The following KCNT1 variants were observed in gnomAD, a reference collection of about 807,000 sequenced individuals.
KCNT1 encodes the protein potassium sodium-activated channel subfamily T member 1.
KCNT1 carries 78 observed loss-of-function variants against 147.8 expected under a neutral mutation model. The observed-to-expected ratio is 0.53, with a 90% CI of 0.44 to 0.64. The LOEUF is 0.64. KCNT1 is among the 30% of genes least tolerant of loss of function. The pLI, the probability that KCNT1 is intolerant of heterozygous loss-of-function variation, is 0.00. For synonymous variants in KCNT1, 867 were observed against 748.8 expected, an observed-to-expected ratio of 1.16 and a Z score of -2.58; for missense variants, 1,419 against 1,750.3, an observed-to-expected ratio of 0.81 and a Z score of 3.38.
At chr9:135,775,646 C>T (rs1471232524) in intron 20 of KCNT1, among the ~76,000 whole-genome samples, 1 of 152,238 alleles carries the variant, frequency 6.6e-6, no homozygotes, top group Non-Finnish European at 1.5e-5. Flanking sequence ...GTTAGAGGCA[C>T]CTGTTTTCTG....
At chr9:135,764,656 A>G (rs898455422) in intron 11 of KCNT1, among the ~76,000 whole-genome samples, 5 of 152,130 alleles carry the variant, frequency 3.3e-5, no homozygotes, top group African/African-American at 1.2e-4. Context: ...TAGGCTCCTG[A>G]CAGTGAGGCC....
chr9:135,784,637 G>A lies in KCNT1; in HGVS notation c.3027+19G>A, dbSNP rs778490327. The A allele has an allele frequency of 2.9e-5, 47 of 1,611,392 alleles. No homozygotes were observed. The highest frequency in any genetic ancestry group is 1.7e-4 in the Middle Eastern group (1 of 5,864). Reference sequence around the variant, plus strand: ...CTGTGCCGTAAGTGCCCCTGGCTGCGCTGGGCTGGGGGCGTGCTGGGCTGT... The same window carrying A: ...CTGTGCCGTAAGTGCCCCTGGCTGCACTGGGCTGGGGGCGTGCTGGGCTGT... On this transcript the variant is annotated intron_variant, in intron 26 of 30. Transcript: ENST00000371757.
chr9:135,787,966 C>A, intron 29 of KCNT1: 1 of 704,512 alleles, frequency 1.4e-6, no homozygotes. Flanking sequence ...TTCTGGTGAC[C>A]GACTCGCTTC....
chr9:135,784,468 C>T (rs1174500295), intron 25 of KCNT1, 67 bp from the exon 26 acceptor site: 6 of 1,136,644 alleles, frequency 5.3e-6, no homozygotes, highest in African/African-American at 3.1e-5. Context: ...CCCGTGCCCG[C>T]GTGCCTCACT....
intron 2 of KCNT1, among the ~76,000 whole-genome samples, chr9:135,715,741 G>A (rs988024272): frequency 1.3e-5 from 2 of 152,222 alleles, no homozygotes; most frequent in African/African-American, 4.8e-5. Context: ...GTCAGTCCTA[G>A]GGACTGTATC....
At chr9:135,755,901 C>T (rs1337054699) in intron 6 of KCNT1, among the ~76,000 whole-genome samples, 2 of 144,614 alleles carry the variant, frequency 1.4e-5, no homozygotes, top group Non-Finnish European at 3.0e-5. Context: ...AAGCATGGGA[C>T]CCAGGCTCAG....
At chr9:135,728,800 T>C (rs963607621) in intron 2 of KCNT1, among the ~76,000 whole-genome samples, 1 of 152,216 alleles carries the variant, frequency 6.6e-6, no homozygotes, top group Admixed American at 6.5e-5. Context: ...CTGGTTATGG[T>C]GATTCACAAA....
Position 135,741,915 on chromosome 9 carries a change from G to C in KCNT1, c.255-8183G>C, listed in dbSNP as rs192667398. ...ATAGTCAGTGAAGGCAAAGACCCTC[G>C]GCACTCCCACCCTGCCCAGCCCCCG... On this transcript the variant is annotated intron_variant, in intron 2 of 30. Transcript: ENST00000371757. Among the ~76,000 whole-genome samples, 35 of 152,308 alleles carry C rather than the reference G, an allele frequency of 2.3e-4. No homozygotes were observed. In the East Asian group the frequency reaches 6.7e-3, roughly 29 times the overall value.
At chr9:135,791,578 G>C in intron 29 of KCNT1, 1 of 552,584 alleles carries the variant, frequency 1.8e-6, no homozygotes, top group Non-Finnish European at 3.3e-6. Context: ...CTGGCTCCCA[G>C]CTGCCCTCCT....
chr9:135,765,964 G>A (rs918546363), intron 13 of KCNT1, among the ~76,000 whole-genome samples: 1 of 152,120 alleles, frequency 6.6e-6, no homozygotes, highest in African/African-American at 2.4e-5. Flanking sequence ...CGTCTGGGGT[G>A]GACCATTCAG....
Position 135,765,053 on chromosome 9 carries a change from G to A in KCNT1, c.1058G>A (p.Trp353Ter), listed in dbSNP as rs1325985301. 2 of 1,612,438 alleles carry A rather than the reference G, an allele frequency of 1.2e-6. No individual in the cohort carries two copies. Among genetic ancestry groups the A allele is most frequent in the Non-Finnish European group, 8.5e-7 (1 of 1,179,258 alleles). ...CAGTTCGAGGAGCTCGTCTACCTCT[G>A]GATGGAGCGGCAGAAGTCAGGGGGC... is the stretch of plus-strand genomic sequence containing the variant. ...PLQFEELVYL[W>*]MERQKSGGNY... Residue 353 changes from tryptophan to a stop codon, truncating the protein, a stop_gained, in exon 12 of 31, where the codon TGG becomes TAG. Coordinates refer to ENST00000371757, the MANE Select transcript of KCNT1 (RefSeq NM_020822.3). LOFTEE classifies it high-confidence loss of function.
In KCNT1 at chr9:135,768,138, G is replaced by A. The variant is rs188022727; in HGVS notation, c.1338-472G>A. Reference sequence around the variant, plus strand: ...ACAGGTGTGGCTCCTGTGCCTTCTCGAGTGTCGGAGCTTGGAGTCTCCTAG... The same window carrying A: ...ACAGGTGTGGCTCCTGTGCCTTCTCAAGTGTCGGAGCTTGGAGTCTCCTAG... On this transcript the variant is annotated intron_variant, in intron 13 of 30. Transcript: ENST00000371757. 1.4e-3 allele frequency among the ~76,000 whole-genome samples: 213 copies of A among 149,850 alleles called. 5 individuals are homozygous for A. Among genetic ancestry groups the A allele is most frequent in the Admixed American group, 0.012 (186 of 15,096 alleles).
At position 135,702,201 on chromosome 9, in the gene KCNT1, A is replaced by G. The variant is rs1835059759; in HGVS notation, c.-58A>G. 2 of 1,237,058 alleles carry G rather than the reference A, an allele frequency of 1.6e-6. No individual in the cohort carries two copies. Among genetic ancestry groups the G allele is most frequent in the East Asian group, 4.9e-5 (2 of 40,980 alleles). The allele number at this position is 1,237,058 out of a possible 1,614,324, so 76.6% of individuals were successfully genotyped here. The stretch of plus-strand genomic sequence containing the variant: ...ATGTTTTTCAGGGCAACGCGAGGGA[A>G]GAAGGTGGCGGCTCCCACTCGCTTC... On this transcript the variant is annotated 5_prime_UTR_variant, in exon 1 of 31. Transcript: ENST00000371757.
rs1385700458 is a variant in KCNT1 at position 135,702,300 on chromosome 9, C to T, written c.42C>T (p.Cys14=). The T allele has an allele frequency of 1.2e-6, 2 of 1,609,932 alleles. No homozygotes were observed. The highest frequency in any genetic ancestry group is 1.7e-5 in the Admixed American group (1 of 59,870). Reference sequence around the variant, plus strand: ...GGGCGCGGACCCCGGGGGGCGTCTGCCGGGAGGCGCGCGGCGGGGGCTACA... The same window carrying T: ...GGGCGCGGACCCCGGGGGGCGTCTGTCGGGAGGCGCGCGGCGGGGGCTACA... ...PDGARTPGGV[C]REARGGGYTN... The change falls in exon 1 of 31, where the codon TGC becomes TGT. Residue 14 remains cysteine (C), a synonymous_variant. Transcript: ENST00000371757.
At chr9:135,743,397 A>C (rs900479364) in intron 2 of KCNT1, among the ~76,000 whole-genome samples, 2 of 151,974 alleles carry the variant, frequency 1.3e-5, no homozygotes, top group African/African-American at 4.8e-5. Context: ...CCCCAGGCTT[A>C]CTGTTCCATG....
rs753578396 is a variant in KCNT1 at position 135,786,548 on chromosome 9, C to A, written c.3502+27C>A. On this transcript the variant is annotated intron_variant, in intron 29 of 30. Coordinates refer to ENST00000371757, the MANE Select transcript of KCNT1 (RefSeq NM_020822.3). ...TAAGGGCACACGGCGCGGGTGGGGG[C>A]CGGACGGACGGACTGGGCCAGGGTC... 5 of 1,542,122 alleles carry A rather than the reference C, an allele frequency of 3.2e-6. No individual in the cohort carries two copies. The African/African-American group carries it at 4.2e-5, about 13-fold the overall frequency.
At chr9:135,782,924 G>A (rs944027264) in intron 24 of KCNT1, among the ~76,000 whole-genome samples, 9 of 152,174 alleles carry the variant, frequency 5.9e-5, no homozygotes, top group Admixed American at 2.0e-4. Flanking sequence ...CCTTCCCACC[G>A]GCCACTGATG....
chr9:135,777,215 TG>T, intron 20 of KCNT1, 122 bp from the exon 21 acceptor site: 1 of 1,034,702 alleles, frequency 9.7e-7, no homozygotes, highest in Non-Finnish European at 1.4e-6. Context: ...GAAAGGGCTG[TG>T]GGCCGAGAGG....
chr9:135,744,400 C>CCCCT (rs1479857467), intron 2 of KCNT1, among the ~76,000 whole-genome samples: 9 of 152,346 alleles, frequency 5.9e-5, no homozygotes, highest in Non-Finnish European at 1.0e-4. Context: ...GTGGCGTGAG[C>CCCCT]CCCTGGGCAC....
Sources: allele counts gnomAD v4.1 joint callset (sites outside exome capture counted in the v4.1 genomes callset), GRCh38; gene constraint gnomAD v4.1.1; transcripts MANE v1.5; gene names NCBI Gene and HGNC (gene_info 2026-07-23, HGNC 2026-07-21).